Variants in MED13 observed in about 807,000 individuals in gnomAD.
The protein encoded by MED13 is mediator complex subunit 13, also known as mediator of RNA polymerase II transcription subunit 13.
A neutral mutation model predicts 225.2 loss-of-function variants in MED13; 23 were observed. The ratio of observed to expected loss-of-function variants is 0.10; its 90% CI spans 0.07 to 0.14. MED13 has a LOEUF of 0.14. MED13 is among the 10% of genes least tolerant of loss of function. MED13 has a pLI of 1.00. For synonymous variants in MED13, 942 were observed against 889.2 expected (o/e 1.06, Z -1.06); for missense variants, 2,197 against 2,594.5 (o/e 0.85, Z 3.33).
intron 12 of MED13, among the ~76,000 whole-genome samples, chr17:61,986,691 T>C (rs934543652): frequency 6.6e-6 from 1 of 152,102 alleles, no homozygotes; most frequent in Non-Finnish European, 1.5e-5. Context: ...AACTACAGAA[T>C]CAAATAGGAA....
rs1024865426 is a variant in MED13, at chr17:61,965,231, G to A, written c.4619C>T (p.Ser1540Phe). 1.2e-6 allele frequency: 2 copies of A among 1,614,134 alleles called. No individual in the cohort carries two copies. Among genetic ancestry groups the A allele is most frequent in the South Asian group, 2.2e-5 (2 of 91,088 alleles). Residue 1540 changes from serine (S) to phenylalanine (F), a missense_variant, in exon 20 of 30, where the codon TCT (serine) becomes TTT (phenylalanine). Around this residue, in one of 12 missense-constraint regions of MED13, gnomAD observed 457 missense variants for 442.2 expected, o/e 1.03. Coordinates refer to ENST00000397786, the MANE Select transcript of MED13 (RefSeq NM_005121.3). Reference protein sequence around the residue: ...NSTLTTASTSSSSSSNLNSGV... With the variant: ...NSTLTTASTSFSSSSNLNSGV... ...ACTATTCAAGTTGGAGGATGATGAA[G>A]ATGAAGTTGAAGCTGTGGTCAAAGT...
intron 23 of MED13, among the ~76,000 whole-genome samples, chr17:61,959,862 G>A (rs1465852314): frequency 6.6e-6 from 1 of 151,382 alleles, no homozygotes; most frequent in Non-Finnish European, 1.5e-5. Flanking sequence ...CCGAGTAGCT[G>A]TGACTACAGG....
At chr17:61,977,507 G>A (rs1243981706) in intron 16 of MED13, among the ~76,000 whole-genome samples, 4 of 152,068 alleles carry the variant, frequency 2.6e-5, no homozygotes, top group African/African-American at 4.8e-5. Flanking sequence ...GCTGGAGTGC[G>A]GTGGCACCAT....
At chr17:62,002,439 A>C (rs1262830998) in intron 9 of MED13, among the ~76,000 whole-genome samples, 1 of 145,982 alleles carries the variant, frequency 6.9e-6, no homozygotes, top group Non-Finnish European at 1.5e-5. Flanking sequence ...CAGTGAGCCG[A>C]GATTGCGCCA....
At chr17:62,034,992 G>A (rs546449659) in intron 4 of MED13, among the ~76,000 whole-genome samples, 2 of 151,818 alleles carry the variant, frequency 1.3e-5, no homozygotes, top group South Asian at 2.1e-4. Flanking sequence ...TTGGTGGAAC[G>A]CGCCTGTAAC....
intron 23 of MED13, among the ~76,000 whole-genome samples, chr17:61,960,244 T>C (rs1276720162): frequency 2.6e-5 from 4 of 152,092 alleles, no homozygotes; most frequent in African/African-American, 9.7e-5. Flanking sequence ...AATTCTAAAA[T>C]GGTCATCATA....
chr17:62,028,032 C>G (rs1265703578), intron 8 of MED13, among the ~76,000 whole-genome samples: 1 of 152,118 alleles, frequency 6.6e-6, no homozygotes, highest in Non-Finnish European at 1.5e-5. Flanking sequence ...ACCATCCGAC[C>G]CAGCAACCCC....
intron 17 of MED13, among the ~76,000 whole-genome samples, chr17:61,970,676 T>C (rs1451604269): frequency 4.9e-5 from 4 of 81,438 alleles, no homozygotes; most frequent in African/African-American, 1.0e-4. Flanking sequence ...AGTGAGACTG[T>C]CTCAAAAAAA....
chr17:62,002,793 TC>T (rs2080408216), intron 9 of MED13, among the ~76,000 whole-genome samples: 1 of 152,216 alleles, frequency 6.6e-6, no homozygotes, highest in African/African-American at 2.4e-5. Flanking sequence ...GTATGGGGAA[TC>T]TCCCCAATGA....
At chr17:62,017,385 A>T (rs931476131) in intron 8 of MED13, among the ~76,000 whole-genome samples, 9 of 152,268 alleles carry the variant, frequency 5.9e-5, no homozygotes, top group African/African-American at 1.7e-4. Flanking sequence ...ATAGAACACC[A>T]AACTTCTAAA....
Position 61,956,327 on chromosome 17 carries a change from G to C in MED13, c.5623+12C>G, listed in dbSNP as rs1279452138. 1 of 1,602,932 alleles carries C rather than the reference G, an allele frequency of 6.2e-7. No homozygotes were observed. The highest frequency in any genetic ancestry group is 8.5e-7 in the Non-Finnish European group (1 of 1,176,426). ...AACGGAAATATAAATACTAATAAAA[G>C]CACAATTTTACCTTTCAATTCTCCA... On this transcript the variant is annotated intron_variant, in intron 24 of 29. Coordinates refer to ENST00000397786, the MANE Select transcript of MED13 (RefSeq NM_005121.3).
At chr17:61,955,917 A>C in intron 24 of MED13, 79 bp from the exon 25 acceptor site, 27 of 1,378,518 alleles carry the variant, frequency 2.0e-5, no homozygotes, top group Non-Finnish European at 2.4e-5. Context: ...CTGTAGAACC[A>C]AGTTAAAGTT....
intron 3 of MED13, among the ~76,000 whole-genome samples, chr17:62,048,394 G>A (rs116556438): frequency 4.2e-5 from 3 of 71,166 alleles, no homozygotes; most frequent in Non-Finnish European, 7.2e-5. Context: ...GAGTGAGACT[G>A]TTTCAAAAAA....
Position 61,960,862 on chromosome 17 carries a change from AAT to A in MED13, c.5480+3_5480+4del. 6.4e-7 allele frequency: 1 copy of A among 1,574,596 alleles called. No individual in the cohort carries two copies. The highest frequency in any genetic ancestry group is 8.7e-7 in the Non-Finnish European group (1 of 1,147,024). On this transcript the variant is annotated splice_donor_region_variant and intron_variant, in intron 23 of 29. Coordinates refer to ENST00000397786, the MANE Select transcript of MED13 (RefSeq NM_005121.3). ...GATATGATATATTTAGGGAAATACA[AAT>A]ACCTATTTGGAACATCGATGTTAAT...
At chr17:61,975,139 TAAA>T (rs200864641) in intron 16 of MED13, among the ~76,000 whole-genome samples, 1 of 138,848 alleles carries the variant, frequency 7.2e-6, no homozygotes. Context: ...CCCCGTATCT[TAAA>T]AAAAAAAAAA....
chr17:61,988,736 T>G (rs2080269561), intron 11 of MED13, among the ~76,000 whole-genome samples: 1 of 141,790 alleles, frequency 7.1e-6, no homozygotes, highest in Non-Finnish European at 1.5e-5. Context: ...AGTTTTTTCG[T>G]TTTTTTTTTT....
At chr17:61,999,199 C>A (rs1286681764) in intron 9 of MED13, among the ~76,000 whole-genome samples, 1 of 152,092 alleles carries the variant, frequency 6.6e-6, no homozygotes, top group East Asian at 1.9e-4. Flanking sequence ...ATACCACTAA[C>A]ACAACATAGG....
chr17:62,011,286 G>A (rs761346569), intron 8 of MED13, 53 bp from the exon 9 acceptor site: 21 of 1,459,168 alleles, frequency 1.4e-5, no homozygotes, highest in Non-Finnish European at 1.8e-5. Context: ...TTATGGCGAA[G>A]TATAATACCA....
At chr17:62,015,915 C>T (rs1180198880) in intron 8 of MED13, among the ~76,000 whole-genome samples, 17 of 8,600 alleles carry the variant, frequency 2.0e-3, no homozygotes, top group East Asian at 5.7e-3. Context: ...ACACTATACA[C>T]ATATATATAT....
Sources: gnomAD v4.1 joint callset for allele counts (sites outside exome capture counted in the v4.1 genomes callset) on GRCh38, gnomAD v4.1.1 for gene constraint, gnomAD v4.1.1 regional missense constraint, MANE v1.5 for transcripts, NCBI Gene and HGNC (gene_info 2026-07-23, HGNC 2026-07-21) for gene names.